The following CWC25 variants were observed in gnomAD, a reference collection of about 807,000 sequenced individuals.
CWC25 encodes the protein CWC25 spliceosome associated protein.
In CWC25, 31 loss-of-function variants were observed where a neutral mutation model predicts 54.6. The observed-to-expected ratio is 0.57, with a 90% CI of 0.43 to 0.77. The LOEUF is 0.77. Among genes scored for constraint, CWC25 ranks in the 30% least tolerant of loss-of-function variants. CWC25 has a pLI of 0.00. For missense variants in CWC25, 453 were observed against 529.3 expected, an observed-to-expected ratio of 0.86 and a Z score of 1.41; for synonymous variants, 151 against 187.0, an observed-to-expected ratio of 0.81 and a Z score of 1.57.
Position 38,815,041 on chromosome 17 carries a change from C to T in CWC25, c.248G>A (p.Arg83His), listed in dbSNP as rs764557516. 66 of 1,613,844 alleles carry T rather than the reference C, an allele frequency of 4.1e-5. No individual in the cohort carries two copies. The highest frequency in any genetic ancestry group is 1.4e-4 in the South Asian group (13 of 91,088). Reference sequence around the variant, plus strand: ...GGGGCGCCCCAGCAGGTACTCGTCACGGTTCACCATCCCACCAGGACCCTG... The same window carrying T: ...GGGGCGCCCCAGCAGGTACTCGTCATGGTTCACCATCCCACCAGGACCCTG... The part of the protein sequence containing the change: ...MYQGPGGMVN[R>H]DEYLLGRPID... Residue 83 changes from arginine (R) to histidine (H), a missense_variant, in exon 3 of 10, where the codon CGT (arginine) becomes CAT (histidine). By Grantham distance (29) the Arg-to-His change is conservative. Coordinates refer to ENST00000614790, the MANE Select transcript of CWC25 (RefSeq NM_017748.5).
At chr17:38,816,482 C>A (rs570000904) in intron 2 of CWC25, among the ~76,000 whole-genome samples, 57 of 151,998 alleles carry the variant, frequency 3.8e-4, no homozygotes, top group African/African-American at 1.3e-3. Context: ...AAACTACTGG[C>A]CTCAAGTGAT....
rs774438299 is a variant in CWC25 at position 38,802,748 on chromosome 17, C to T, written c.1115G>A (p.Arg372Gln). ...GTCCAGCTTCTCTAGCCTCTGCTCC[C>T]GTTCCTCATCCTTAGCATGCCTCTT... ...ILKRHAKDEE[R>Q]EQRLEKLDSR... Residue 372 changes from arginine to glutamine, a missense_variant, in exon 9 of 10, where the codon CGG becomes CAG. By Grantham distance (43) the Arg-to-Gln change is conservative. Coordinates refer to ENST00000614790, the MANE Select transcript of CWC25 (RefSeq NM_017748.5). The T allele has an allele frequency of 1.9e-6, 3 of 1,614,026 alleles. No individual in the cohort carries two copies. The highest frequency in any genetic ancestry group is 1.3e-5 in the African/African-American group (1 of 75,042).
intron 2 of CWC25, 29 bp downstream of exon 2, chr17:38,820,872 C>G: frequency 6.3e-7 from 1 of 1,594,954 alleles, no homozygotes; most frequent in Non-Finnish European, 8.5e-7. Context: ...ATTCCCTACA[C>G]ACAAGCGCAC....
At chr17:38,822,140 G>A (rs974050089) in intron 1 of CWC25, among the ~76,000 whole-genome samples, 1 of 150,828 alleles carries the variant, frequency 6.6e-6, no homozygotes, top group East Asian at 2.0e-4. Flanking sequence ...CTCGGGTCAC[G>A]GCAAACTCTG....
chr17:38,824,708 C>T (rs1284699829), intron 1 of CWC25, among the ~76,000 whole-genome samples: 1 of 151,924 alleles, frequency 6.6e-6, no homozygotes, highest in Non-Finnish European at 1.5e-5. Context: ...AAAAAACGAC[C>T]CCAGGGCATG....
Position 38,802,204 on chromosome 17 carries a change from C to G in CWC25, c.1166G>C (p.Arg389Pro), listed in dbSNP as rs748735255. The G allele has an allele frequency of 2.5e-6, 4 of 1,607,562 alleles. No homozygotes were observed. The highest frequency in any genetic ancestry group is 3.4e-6 in the Non-Finnish European group (4 of 1,175,028). The change falls in exon 10 of 10, where the codon CGC (arginine) becomes CCC (proline). Residue 389 changes from arginine to proline, a missense_variant and splice_region_variant. Physicochemically the swap from Arg to Pro is moderately radical, Grantham distance 103. Transcript: ENST00000614790. ...LDSRDGKFIHRMKLESASTSS... is the reference protein window; with the variant it reads ...LDSRDGKFIHPMKLESASTSS... ...AGTAGATGCACTCTCCAGCTTCATG[C>G]GGCTAGGAAGAGAAGACAGGCAAAT...
At chr17:38,815,761 C>T in intron 2 of CWC25, 10 of 960,536 alleles carry the variant, frequency 1.0e-5, no homozygotes, top group Non-Finnish European at 1.4e-5. Flanking sequence ...TGAATAAGCA[C>T]ATTCTACATC....
intron 6 of CWC25, among the ~76,000 whole-genome samples, 179 bp downstream of exon 6, chr17:38,809,523 T>C (rs1911400108): frequency 6.6e-6 from 1 of 152,080 alleles, no homozygotes; most frequent in South Asian, 2.1e-4. Flanking sequence ...CAATGCCCCA[T>C]TGGTGGTTTA....
intron 5 of CWC25, among the ~76,000 whole-genome samples, chr17:38,809,988 C>T (rs892619957): frequency 4.6e-5 from 7 of 152,104 alleles, no homozygotes; most frequent in African/African-American, 7.2e-5. Flanking sequence ...TAAGCCCCAA[C>T]GCCTGAACAC....
At chr17:38,821,505 G>A (rs1911922083) in intron 1 of CWC25, among the ~76,000 whole-genome samples, 1 of 152,186 alleles carries the variant, frequency 6.6e-6, no homozygotes, top group Non-Finnish European at 1.5e-5. Flanking sequence ...GTTGCGGTGA[G>A]CCGAAACTGC....
Position 38,802,733 on chromosome 17 carries a change from T to C in CWC25, c.1130A>G (p.Glu377Gly). 6.2e-7 allele frequency: 1 copy of C among 1,614,034 alleles called. No individual in the cohort carries two copies. The highest frequency in any genetic ancestry group is 8.5e-7 in the Non-Finnish European group (1 of 1,179,886). Reference sequence around the variant, plus strand: ...CTTCCCATCCCGGGAGTCCAGCTTCTCTAGCCTCTGCTCCCGTTCCTCATC... The same window carrying C: ...CTTCCCATCCCGGGAGTCCAGCTTCCCTAGCCTCTGCTCCCGTTCCTCATC... Reference protein sequence around the residue: ...AKDEEREQRLEKLDSRDGKFI... With the variant: ...AKDEEREQRLGKLDSRDGKFI... The change falls in exon 9 of 10, where the codon GAG becomes GGG. Residue 377 changes from glutamate to glycine, a missense_variant. This residue lies in a region of CWC25 where 444 missense variants were observed against 499.2 expected (regional missense o/e 0.89). Transcript: ENST00000614790.
Position 38,800,449 on chromosome 17 carries a change from G to A in CWC25, c.*1643C>T, listed in dbSNP as rs1435490586. The A allele has an allele frequency of 3.3e-5, 5 of 151,744 alleles. No individual in the cohort carries two copies. In the East Asian group the frequency reaches 9.6e-4, roughly 29 times the overall value. 9.4% of individuals were successfully genotyped at this position (151,744 alleles called of 1,614,324 possible). ...TCCACAGGTGGTCGCTCTTTAAACA[G>A]TTACAAAAATAAATGTGGCCTTTAT... On this transcript the variant is annotated 3_prime_UTR_variant, in exon 10 of 10. Coordinates refer to ENST00000614790, the MANE Select transcript of CWC25 (RefSeq NM_017748.5).
intron 1 of CWC25, among the ~76,000 whole-genome samples, chr17:38,824,720 C>G (rs911257603): frequency 6.6e-6 from 1 of 152,026 alleles, no homozygotes; most frequent in Non-Finnish European, 1.5e-5. Context: ...CAGGGCATGG[C>G]TTAGGGTAGG....
chr17:38,810,059 C>G (rs951189927), intron 5 of CWC25, among the ~76,000 whole-genome samples: 3 of 152,088 alleles, frequency 2.0e-5, no homozygotes, highest in Non-Finnish European at 4.4e-5. Flanking sequence ...AGCGGCGGAG[C>G]TGACTGCTTC....
At chr17:38,805,675 C>G (rs934890947) in intron 8 of CWC25, among the ~76,000 whole-genome samples, 2 of 152,054 alleles carry the variant, frequency 1.3e-5, no homozygotes, top group Admixed American at 1.3e-4. Flanking sequence ...CTCTGTCGCC[C>G]AAGCAAGAAT....
intron 9 of CWC25, 105 bp downstream of exon 9, chr17:38,802,595 G>A (rs1349866220): frequency 6.8e-6 from 9 of 1,322,744 alleles, no homozygotes; most frequent in Non-Finnish European, 9.4e-6. Context: ...TCTGAAGGCT[G>A]GGCTCCATGT....
intron 6 of CWC25, among the ~76,000 whole-genome samples, chr17:38,808,055 C>CAAAA (rs61226105): frequency 3.8e-5 from 2 of 52,752 alleles, no homozygotes; most frequent in Non-Finnish European, 4.1e-5. Context: ...GACTCCATCT[C>CAAAA]AAAAAAAAAA....
chr17:38,811,286 C>A (rs1019337798), intron 4 of CWC25, among the ~76,000 whole-genome samples: 1 of 151,460 alleles, frequency 6.6e-6, no homozygotes, highest in Non-Finnish European at 1.5e-5. Context: ...GTAATCCCAG[C>A]ACTTTGGGAG....
In CWC25 at chr17:38,806,913, G is replaced by A. The variant is rs1911266997; in HGVS notation, c.754C>T (p.His252Tyr). 2 of 1,613,818 alleles carry A rather than the reference G, an allele frequency of 1.2e-6. No homozygotes were observed. Among genetic ancestry groups the A allele is most frequent in the African/African-American group, 2.7e-5 (2 of 74,908 alleles). The change falls in exon 7 of 10, where the codon CAT (histidine) becomes TAT (tyrosine). Residue 252 changes from histidine (H) to tyrosine (Y), a missense_variant. By Grantham distance (83) the His-to-Tyr change is moderately conservative. Around this residue, in one of 2 missense-constraint regions of CWC25, gnomAD observed 444 missense variants for 499.2 expected, o/e 0.89. Coordinates refer to ENST00000614790, the MANE Select transcript of CWC25 (RefSeq NM_017748.5). ...GATCTGGAATGGTTCTTCATCCCAT[G>A]CCCTCTCTTTTGCTCTGCTGTCAGA... ...GPLTAEQKRG[H>Y]GMKNHSRSRS...
Sources: gnomAD v4.1 joint callset for allele counts (sites outside exome capture counted in the v4.1 genomes callset) on GRCh38, gnomAD v4.1.1 for gene constraint, gnomAD v4.1.1 regional missense constraint, MANE v1.5 for transcripts, NCBI Gene and HGNC (gene_info 2026-07-23, HGNC 2026-07-21) for gene names.